UCHL3: variants seen among roughly 807,000 people sequenced by gnomAD.
The protein encoded by UCHL3 is ubiquitin C-terminal hydrolase L3.
Under a neutral mutation model 35.8 loss-of-function variants are expected in UCHL3, and 22 were observed. That is an observed-to-expected ratio of 0.61 (90% CI 0.44 to 0.88). UCHL3 has a LOEUF of 0.88. UCHL3 is among the 40% of genes least tolerant of loss of function. The pLI is 0.00. For missense variants in UCHL3, 229 were observed against 276.9 expected, an observed-to-expected ratio of 0.83 and a Z score of 1.23; for synonymous variants, 90 against 92.8, an observed-to-expected ratio of 0.97 and a Z score of 0.17.
intron 2 of UCHL3, among the ~76,000 whole-genome samples, chr13:75,552,940 T>G (rs757111474): frequency 2.0e-5 from 3 of 152,168 alleles, no homozygotes; most frequent in Non-Finnish European, 4.4e-5. Flanking sequence ...TGGACCCCTC[T>G]CCACCCCAAG....
In UCHL3 at chr13:75,592,494, C is replaced by CT. The variant is rs67777133; in HGVS notation, c.475-2407dup. Among the ~76,000 whole-genome samples the CT allele has an allele frequency of 5.2e-3, 387 of 74,856 alleles. 4 individuals carry two copies. Among genetic ancestry groups the CT allele is most frequent in the East Asian group, 0.034 (92 of 2,744 alleles). 49.1% of individuals were successfully genotyped at this position (74,856 alleles called of 152,430 possible). A position where few individuals can be genotyped will look rare whatever the true frequency, so the allele number is the denominator to read the frequency against. On this transcript the variant is annotated intron_variant, in intron 6 of 8. Transcript: ENST00000377595. ...AAGGAAAAAAGATCCCATCTATAGC[C>CT]TTTTTTTTTTTTTTGCCCTTTGTGT... is the stretch of plus-strand genomic sequence containing the variant.
rs532294743 is a variant in UCHL3 at position 75,575,940 on chromosome 13, C to T, written c.474+6433C>T. Reference sequence around the variant, plus strand: ...CTAATTTTTATATTTTTAGTAGAGACGGGGTTTTGCCATGTTGGCTAGGCT... The same window carrying T: ...CTAATTTTTATATTTTTAGTAGAGATGGGGTTTTGCCATGTTGGCTAGGCT... On this transcript the variant is annotated intron_variant, in intron 6 of 8. Coordinates refer to ENST00000377595, the MANE Select transcript of UCHL3 (RefSeq NM_006002.5). Among the ~76,000 whole-genome samples the T allele has an allele frequency of 2.2e-4, 34 of 151,608 alleles. No homozygotes were observed. In the South Asian group the frequency reaches 3.6e-3, roughly 16 times the overall value.
chr13:75,601,562 T>G (rs1455382274), intron 7 of UCHL3, among the ~76,000 whole-genome samples: 1 of 152,208 alleles, frequency 6.6e-6, no homozygotes, highest in African/African-American at 2.4e-5. Context: ...AAAGTGTTTT[T>G]TAATTAAGGT....
At chr13:75,555,697 A>C (rs903583236) in intron 2 of UCHL3, among the ~76,000 whole-genome samples, 2 of 152,138 alleles carry the variant, frequency 1.3e-5, no homozygotes, top group Non-Finnish European at 2.9e-5. Context: ...CCAGTTGTCT[A>C]TCATTCTCAT....
intron 6 of UCHL3, among the ~76,000 whole-genome samples, chr13:75,592,446 A>ATATATATATATATATATATGTATATATG (rs2032524080): frequency 2.8e-5 from 2 of 71,072 alleles, no homozygotes; most frequent in Non-Finnish European, 6.4e-5. Flanking sequence ...ATATATATAT[A>ATATATATATATATATATATGTATATATG]TATATATATA....
chr13:75,577,431 TA>T (rs1342243060), intron 6 of UCHL3, among the ~76,000 whole-genome samples: 2 of 152,220 alleles, frequency 1.3e-5, no homozygotes, highest in Non-Finnish European at 1.5e-5. Flanking sequence ...AGGAGGTACA[TA>T]GGTTATATGC....
At chr13:75,575,332 T>A (rs1037714576) in intron 6 of UCHL3, among the ~76,000 whole-genome samples, 23 of 152,242 alleles carry the variant, frequency 1.5e-4, no homozygotes, top group African/African-American at 5.1e-4. Flanking sequence ...TGAAAGGTAT[T>A]GCTTTCATCT....
At chr13:75,551,840 C>CT (rs2031122045) in intron 2 of UCHL3, among the ~76,000 whole-genome samples, 1 of 152,116 alleles carries the variant, frequency 6.6e-6, no homozygotes, top group African/African-American at 2.4e-5. Context: ...TTAGGGGCAC[C>CT]TTTTTTAATA....
intron 6 of UCHL3, among the ~76,000 whole-genome samples, chr13:75,592,234 A>G (rs1363466957): frequency 6.6e-6 from 1 of 150,770 alleles, no homozygotes; most frequent in Admixed American, 6.6e-5. Context: ...TTAGGGATAT[A>G]TATATCAAAA....
At chr13:75,561,808 CATACGTATACGTATATACGTACGTAT>C (rs1425893405) in intron 3 of UCHL3, among the ~76,000 whole-genome samples, 2 of 31,588 alleles carry the variant, frequency 6.3e-5, no homozygotes, top group Non-Finnish European at 1.4e-4. Flanking sequence ...TATACGTATA[CATACGTATACGTATATACGTACGTAT>C]ATACGTATAC....
intron 6 of UCHL3, among the ~76,000 whole-genome samples, chr13:75,575,942 G>A (rs1016730534): frequency 1.3e-5 from 2 of 151,852 alleles, no homozygotes; most frequent in Non-Finnish European, 2.9e-5. Flanking sequence ...AGTAGAGACG[G>A]GGTTTTGCCA....
rs566931062 is a variant in UCHL3, at chr13:75,550,615, G to T, written c.54+628G>T. 1.4e-4 allele frequency among the ~76,000 whole-genome samples: 21 copies of T among 151,850 alleles called. 1 individual carries two copies. In the South Asian group the frequency reaches 2.7e-3, roughly 20 times the overall value. ...TTTAAGTTCCTTCTGGGTGTTGGAG[G>T]TTGGGGGTTGGGGAGGGAGGAGGGA... On this transcript the variant is annotated intron_variant, in intron 2 of 8. Transcript: ENST00000377595.
intron 6 of UCHL3, among the ~76,000 whole-genome samples, chr13:75,579,979 TTA>T (rs1483255265): frequency 6.6e-6 from 1 of 152,170 alleles, no homozygotes; most frequent in Non-Finnish European, 1.5e-5. Flanking sequence ...AGGTATTATA[TTA>T]ATAGATATTT....
At chr13:75,580,419 C>T (rs749961254) in intron 6 of UCHL3, among the ~76,000 whole-genome samples, 3 of 152,130 alleles carry the variant, frequency 2.0e-5, no homozygotes, top group East Asian at 1.9e-4. Flanking sequence ...CTCATGCATG[C>T]GCACACACAT....
At chr13:75,593,832 A>G (rs2032574436) in intron 6 of UCHL3, among the ~76,000 whole-genome samples, 2 of 152,230 alleles carry the variant, frequency 1.3e-5, no homozygotes, top group African/African-American at 2.4e-5. Flanking sequence ...ACCTTTCAAT[A>G]TCTGCATCAG....
rs149286427 is a variant in UCHL3, at chr13:75,593,876, A to T, written c.475-1039A>T. Among the ~76,000 whole-genome samples, 508 of 152,324 alleles carry T rather than the reference A, an allele frequency of 3.3e-3. 7 individuals are homozygous for T. Among genetic ancestry groups the T allele is most frequent in the African/African-American group, 0.012 (480 of 41,566 alleles). ...ATATTACAACTACTTGAAAATATATACTTACTTGAGGATGAAAAGAATATA... is the reference window on the plus strand; with the variant it reads ...ATATTACAACTACTTGAAAATATATTCTTACTTGAGGATGAAAAGAATATA... On this transcript the variant is annotated intron_variant, in intron 6 of 8. Transcript: ENST00000377595.
At chr13:75,581,748 C>T (rs1378303296) in intron 6 of UCHL3, among the ~76,000 whole-genome samples, 2 of 149,384 alleles carry the variant, frequency 1.3e-5, no homozygotes, top group Non-Finnish European at 3.0e-5. Flanking sequence ...TACAGCATTT[C>T]AAATACGTTG....
chr13:75,550,628 G>A (rs762170278), intron 2 of UCHL3, among the ~76,000 whole-genome samples: 3 of 151,674 alleles, frequency 2.0e-5, no homozygotes, highest in Non-Finnish European at 4.4e-5. Flanking sequence ...GGGGGTTGGG[G>A]AGGGAGGAGG....
In UCHL3 at chr13:75,566,784, C is replaced by G; in HGVS notation, c.273C>G (p.Ile91Met). ...TSSVYFMKQT[I>M]SNACGTIGLI... is the part of the protein sequence containing the mutation. The stretch of plus-strand genomic sequence containing the variant: ...CAGTATATTTCATGAAGCAAACAAT[C>G]AGCAATGCCTGTGGAACAATTGGAC... Residue 91 changes from isoleucine (I) to methionine (M), a missense_variant, in exon 4 of 9, where the codon ATC (isoleucine) becomes ATG (methionine). By Grantham distance (10) the Ile-to-Met change is conservative (BLOSUM62 1). Transcript: ENST00000377595. The G allele has an allele frequency of 6.2e-7, 1 of 1,611,422 alleles. No individual in the cohort carries two copies. Among genetic ancestry groups the G allele is most frequent in the Non-Finnish European group, 8.5e-7 (1 of 1,179,106 alleles).
Sources: gnomAD v4.1 joint callset for allele counts (sites outside exome capture counted in the v4.1 genomes callset) on GRCh38, gnomAD v4.1.1 for gene constraint, MANE v1.5 for transcripts, NCBI Gene and HGNC (gene_info 2026-07-23, HGNC 2026-07-21) for gene names.